The following SLC4A10 variants were observed in gnomAD, a reference collection of about 807,000 sequenced individuals.
SLC4A10 encodes the protein solute carrier family 4 member 10, also known as sodium-driven chloride bicarbonate exchanger.
A neutral mutation model predicts 137.7 loss-of-function variants in SLC4A10; 42 were observed. The ratio of observed to expected loss-of-function variants is 0.30; its 90% CI spans 0.24 to 0.39. The LOEUF is 0.39. Ranked by LOEUF, SLC4A10 falls within the 10% of genes least tolerant of loss-of-function variation. The pLI is 1.00. For synonymous variants in SLC4A10, 474 were observed against 464.1 expected (o/e 1.02, Z -0.27); for missense variants, 925 against 1,355.0 (o/e 0.68, Z 4.98).
At chr2:161,907,675 G>T (rs954441141) in intron 15 of SLC4A10, among the ~76,000 whole-genome samples, 1 of 152,194 alleles carries the variant, frequency 6.6e-6, no homozygotes, top group African/African-American at 2.4e-5. Flanking sequence ...GAATAAAAAT[G>T]CAGTAGAAGT....
chr2:161,654,457 CA>C (rs1237884031), intron 1 of SLC4A10, among the ~76,000 whole-genome samples: 1 of 152,146 alleles, frequency 6.6e-6, no homozygotes, highest in Admixed American at 6.5e-5. Context: ...AAATCATTGT[CA>C]AGACCAGTGT....
intron 1 of SLC4A10, among the ~76,000 whole-genome samples, chr2:161,697,471 T>A (rs1473223489): frequency 6.6e-6 from 1 of 152,068 alleles, no homozygotes; most frequent in Admixed American, 6.5e-5. Flanking sequence ...CCATCTTGAA[T>A]TAATTTTTGT....
chr2:161,823,253 C>T (rs2057765652), intron 3 of SLC4A10, among the ~76,000 whole-genome samples: 3 of 152,036 alleles, frequency 2.0e-5, no homozygotes, highest in African/African-American at 7.2e-5. Context: ...TAAACAAGTG[C>T]AAAAAATGCA....
intron 1 of SLC4A10, among the ~76,000 whole-genome samples, chr2:161,732,192 ATTGGTGATCAACTTAACC>A (rs1432889644): frequency 6.6e-6 from 1 of 152,172 alleles, no homozygotes; most frequent in African/African-American, 2.4e-5. Context: ...ATCATTGGCA[ATTGGTGATCAACTTAACC>A]TTTGGCATCT....
At chr2:161,743,636 T>C (rs2048131301) in intron 1 of SLC4A10, among the ~76,000 whole-genome samples, 1 of 152,156 alleles carries the variant, frequency 6.6e-6, no homozygotes, top group Admixed American at 6.5e-5. Flanking sequence ...TATGGTTCCA[T>C]ATACATTTTT....
rs190099065 is a variant in SLC4A10, at chr2:161,772,950, G to T, written c.130+1896G>T. ...AGTGATGGGTATTGTAGTTCAGCAA[G>T]AATCAGCTGGCAGCAGAATATCACA... On this transcript the variant is annotated intron_variant, in intron 2 of 26. Transcript: ENST00000446997. Among the ~76,000 whole-genome samples, 27 of 151,948 alleles carry T rather than the reference G, an allele frequency of 1.8e-4. No individual in the cohort carries two copies. In the East Asian group the frequency reaches 3.5e-3, roughly 20 times the overall value.
intron 1 of SLC4A10, among the ~76,000 whole-genome samples, chr2:161,755,975 T>G (rs2049591133): frequency 1.3e-5 from 2 of 152,080 alleles, no homozygotes; most frequent in South Asian, 4.1e-4. Flanking sequence ...TTCTCCATGT[T>G]GGCCAGGGTG....
intron 1 of SLC4A10, among the ~76,000 whole-genome samples, chr2:161,662,052 T>A (rs1174380239): frequency 6.6e-6 from 1 of 152,126 alleles, no homozygotes; most frequent in Admixed American, 6.5e-5. Context: ...CTCTACAGAC[T>A]CTTTTAACTT....
intron 1 of SLC4A10, among the ~76,000 whole-genome samples, chr2:161,763,071 T>C (rs2050417667): frequency 6.6e-6 from 1 of 152,134 alleles, no homozygotes; most frequent in Non-Finnish European, 1.5e-5. Context: ...TTACTTCTTT[T>C]CACACATCCA....
intron 1 of SLC4A10, among the ~76,000 whole-genome samples, chr2:161,664,460 A>G (rs184786498): frequency 6.6e-6 from 1 of 152,074 alleles, no homozygotes; most frequent in Admixed American, 6.6e-5. Flanking sequence ...ATAATGACAC[A>G]TGCAGGAGCT....
intron 1 of SLC4A10, among the ~76,000 whole-genome samples, chr2:161,721,939 T>C (rs1241870019): frequency 6.6e-6 from 1 of 152,238 alleles, no homozygotes; most frequent in Non-Finnish European, 1.5e-5. Flanking sequence ...CAAGATAGTC[T>C]TCAAGCTCTG....
intron 3 of SLC4A10, among the ~76,000 whole-genome samples, chr2:161,831,050 G>A (rs957363920): frequency 1.1e-4 from 16 of 152,126 alleles, no homozygotes; most frequent in African/African-American, 3.9e-4. Context: ...AAGATTCTGA[G>A]GTAGGGAAGA....
At chr2:161,955,554 T>C (rs976172339) in intron 19 of SLC4A10, among the ~76,000 whole-genome samples, 4 of 152,176 alleles carry the variant, frequency 2.6e-5, no homozygotes, top group Non-Finnish European at 4.4e-5. Context: ...AACAGGTCCT[T>C]AGGCACATAA....
intron 15 of SLC4A10, among the ~76,000 whole-genome samples, chr2:161,917,404 TGTAG>T (rs1330255761): frequency 5.3e-5 from 8 of 150,988 alleles, no homozygotes; most frequent in African/African-American, 1.2e-4. Context: ...AGTTAGATAG[TGTAG>T]ATAGTTAGAT....
chr2:161,665,788 G>C (rs1175611880), intron 1 of SLC4A10, among the ~76,000 whole-genome samples: 1 of 151,174 alleles, frequency 6.6e-6, no homozygotes, highest in African/African-American at 2.4e-5. Flanking sequence ...TGGTAATCTT[G>C]GAGGTAGCTA....
chr2:161,889,889 A>G (rs1446107624), intron 10 of SLC4A10, among the ~76,000 whole-genome samples: 2 of 152,032 alleles, frequency 1.3e-5, no homozygotes, highest in Admixed American at 6.6e-5. Context: ...TAGGGTGTCA[A>G]TTTTAGATCT....
intron 15 of SLC4A10, among the ~76,000 whole-genome samples, chr2:161,930,420 C>T (rs1690129333): frequency 6.6e-6 from 1 of 151,900 alleles, no homozygotes. Context: ...TATTGAACAT[C>T]CATGAAACTC....
At chr2:161,687,007 C>A (rs554552731) in intron 1 of SLC4A10, among the ~76,000 whole-genome samples, 3 of 151,442 alleles carry the variant, frequency 2.0e-5, no homozygotes, top group Admixed American at 2.0e-4. Context: ...CTCAGCCTCC[C>A]GAGTAGCTGG....
Position 161,919,592 on chromosome 2 carries a change from G to T in SLC4A10, c.1997+13705G>T, listed in dbSNP as rs774669177. Reference sequence around the variant, plus strand: ...AGCTGCACACTTGATGGGATGACTTGCCTGTGGGTAGGAGCTACCCACTTT... The same window carrying T: ...AGCTGCACACTTGATGGGATGACTTTCCTGTGGGTAGGAGCTACCCACTTT... On this transcript the variant is annotated intron_variant, in intron 15 of 26. Coordinates refer to ENST00000446997, the MANE Select transcript of SLC4A10 (RefSeq NM_001178015.2). Among the ~76,000 whole-genome samples the T allele has an allele frequency of 2.0e-5, 3 of 152,090 alleles. 1 individual carries two copies. The highest frequency in any genetic ancestry group is 1.9e-4 in the East Asian group (1 of 5,164).
Sources: gnomAD v4.1 joint callset for allele counts (sites outside exome capture counted in the v4.1 genomes callset) on GRCh38, gnomAD v4.1.1 for gene constraint, MANE v1.5 for transcripts, NCBI Gene and HGNC (gene_info 2026-07-23, HGNC 2026-07-21) for gene names.